Variants in SLC24A2 observed in about 807,000 individuals in gnomAD.
SLC24A2 encodes the protein sodium/potassium/calcium exchanger 2.
Under a neutral mutation model 62.0 loss-of-function variants are expected in SLC24A2, and 36 were observed. That is an observed-to-expected ratio of 0.58 (90% CI 0.44 to 0.77). The LOEUF is 0.77. Ranked by LOEUF, SLC24A2 falls within the 30% of genes least tolerant of loss-of-function variation. The pLI is 0.00. For missense variants in SLC24A2, 846 were observed against 817.9 expected, an observed-to-expected ratio of 1.03 and a Z score of -0.42; for synonymous variants, 358 against 294.0, an observed-to-expected ratio of 1.22 and a Z score of -2.23.
chr9:20,230,159 G>C, the SLC24A2 span, among the ~76,000 whole-genome samples: 1 of 152,074 alleles, frequency 6.6e-6, no homozygotes, highest in Admixed American at 6.6e-5. Context: ...CTAGTTCCAA[G>C]TCCTTCCTAG....
intron 7 of SLC24A2, among the ~76,000 whole-genome samples, chr9:19,566,562 C>G (rs1169427206): frequency 1.3e-5 from 2 of 151,984 alleles, no homozygotes; most frequent in Non-Finnish European, 2.9e-5. Context: ...GGCGATTCCT[C>G]AAGGATCTAG....
At chr9:19,627,269 G>A (rs1287623559) in intron 2 of SLC24A2, among the ~76,000 whole-genome samples, 2 of 152,178 alleles carry the variant, frequency 1.3e-5, no homozygotes, top group African/African-American at 4.8e-5. Context: ...CATTTTGGAA[G>A]CAAAGCCTTT....
At chr9:20,222,667 T>C in the SLC24A2 span, among the ~76,000 whole-genome samples, 1 of 152,064 alleles carries the variant, frequency 6.6e-6, no homozygotes, top group Non-Finnish European at 1.5e-5. Flanking sequence ...AATATAAGAA[T>C]AGTTCAATAG....
the SLC24A2 span, among the ~76,000 whole-genome samples, chr9:20,017,290 T>G: frequency 6.6e-6 from 1 of 152,216 alleles, no homozygotes; most frequent in African/African-American, 2.4e-5. Context: ...CCCAAAGTGC[T>G]GGGATTGCAG....
the SLC24A2 span, among the ~76,000 whole-genome samples, chr9:19,845,223 C>A: frequency 6.6e-6 from 1 of 152,068 alleles, no homozygotes; most frequent in Non-Finnish European, 1.5e-5. Flanking sequence ...TTGTAAAGAT[C>A]TTTCACCTCC....
chr9:20,179,286 G>T, the SLC24A2 span, among the ~76,000 whole-genome samples: 1 of 152,110 alleles, frequency 6.6e-6, no homozygotes, highest in Non-Finnish European at 1.5e-5. Context: ...TCAGGGCAAG[G>T]GTTCTGAGGT....
chr9:20,070,852 G>A, the SLC24A2 span, among the ~76,000 whole-genome samples: 1 of 152,118 alleles, frequency 6.6e-6, no homozygotes, highest in African/African-American at 2.4e-5. Context: ...ATTTGTCATG[G>A]CCAGTGATAT....
Position 19,786,951 on chromosome 9 carries a change from A to C in SLC24A2, c.-85T>G. The C allele has an allele frequency of 6.4e-7, 1 of 1,554,816 alleles. No individual in the cohort carries two copies. The highest frequency in any genetic ancestry group is 1.2e-5 in the South Asian group (1 of 83,018). ...TCATACTTTTCCTTACTTTATAGTTAACGATGCTTGTGGGGTACTTTCACA... is the reference window on the plus strand; with the variant it reads ...TCATACTTTTCCTTACTTTATAGTTCACGATGCTTGTGGGGTACTTTCACA... On this transcript the variant is annotated 5_prime_UTR_variant, in exon 2 of 11. Transcript: ENST00000341998. The surrounding 1 kb of genome is among the most constrained non-coding windows in gnomAD (Gnocchi z 5.0).
chr9:19,688,930 C>T (rs1819964050), intron 2 of SLC24A2, among the ~76,000 whole-genome samples: 1 of 152,008 alleles, frequency 6.6e-6, no homozygotes, highest in Admixed American at 6.6e-5. Context: ...TTACCTCAGT[C>T]CAAATTTTAC....
chr9:19,941,087 T>C, the SLC24A2 span, among the ~76,000 whole-genome samples: 10 of 152,156 alleles, frequency 6.6e-5, no homozygotes, highest in African/African-American at 2.2e-4. Context: ...GAGACTGATG[T>C]ACACTGGCTG....
At chr9:20,283,758 G>C in the SLC24A2 span, among the ~76,000 whole-genome samples, 8 of 144,672 alleles carry the variant, frequency 5.5e-5, no homozygotes, top group Non-Finnish European at 9.2e-5. Context: ...AAAAGGGGGG[G>C]GGGGGCTTTA....
At chr9:20,146,987 T>A in the SLC24A2 span, among the ~76,000 whole-genome samples, 1 of 152,120 alleles carries the variant, frequency 6.6e-6, no homozygotes, top group East Asian at 1.9e-4. Flanking sequence ...CTTGATAGCA[T>A]GTGATGATAG....
chr9:19,694,290 T>C (rs1319973648), intron 2 of SLC24A2, among the ~76,000 whole-genome samples: 1 of 152,148 alleles, frequency 6.6e-6, no homozygotes, highest in African/African-American at 2.4e-5. Context: ...TAATAAAAGG[T>C]ATTTTATACA....
the SLC24A2 span, among the ~76,000 whole-genome samples, chr9:19,992,769 G>A: frequency 8.3e-4 from 127 of 152,280 alleles, no homozygotes; most frequent in Non-Finnish European, 1.4e-3. Flanking sequence ...AGCTGCACAA[G>A]TATGTGGTTT....
the SLC24A2 span, among the ~76,000 whole-genome samples, chr9:20,012,108 G>C: frequency 1.3e-5 from 2 of 152,110 alleles, no homozygotes; most frequent in African/African-American, 4.8e-5. Flanking sequence ...AAGTTGAAAG[G>C]TTTTCCTCTA....
At chr9:19,548,562 T>A (rs1419214046) in intron 8 of SLC24A2, among the ~76,000 whole-genome samples, 1 of 152,188 alleles carries the variant, frequency 6.6e-6, no homozygotes, top group Non-Finnish European at 1.5e-5. Flanking sequence ...AAAATGTTCA[T>A]CCTCTTGCCA....
the SLC24A2 span, among the ~76,000 whole-genome samples, chr9:19,942,501 T>A: frequency 2.0e-5 from 3 of 152,168 alleles, no homozygotes; most frequent in African/African-American, 7.2e-5. Context: ...CAAGTCACAA[T>A]CCAGGTGGTG....
Position 19,514,398 on chromosome 9 carries a change from G to T in SLC24A2, c.*1755C>A, listed in dbSNP as rs1432299375. On this transcript the variant is annotated 3_prime_UTR_variant, in exon 11 of 11. Transcript: ENST00000341998. ...ATGTACCAACTTAGACGTAGGATGG[G>T]TACAGAATAATGAACCATCCTTGAT... is the stretch of plus-strand genomic sequence containing the variant. 5 of 152,164 alleles carry T rather than the reference G, an allele frequency of 3.3e-5. No individual in the cohort carries two copies. Among genetic ancestry groups the T allele is most frequent in the Non-Finnish European group, 5.9e-5 (4 of 68,026 alleles). The allele number at this position is 152,164 out of a possible 1,614,324, so 9.4% of individuals were successfully genotyped here.
chr9:19,947,469 G>T, the SLC24A2 span, among the ~76,000 whole-genome samples: 6 of 151,626 alleles, frequency 4.0e-5, no homozygotes, highest in African/African-American at 1.5e-4. Flanking sequence ...AGGCAGGAAG[G>T]CAGGAAGGAA....
Sources: allele counts gnomAD v4.1 joint callset (sites outside exome capture counted in the v4.1 genomes callset), GRCh38; gene constraint gnomAD v4.1.1; non-coding constraint Gnocchi (gnomAD v3.1); transcripts MANE v1.5; gene names NCBI Gene and HGNC (gene_info 2026-07-23, HGNC 2026-07-21).